DPP10: variants seen among roughly 807,000 people sequenced by gnomAD.
The protein encoded by DPP10 is dipeptidyl peptidase like 10.
Under a neutral mutation model 120.9 loss-of-function variants are expected in DPP10, and 33 were observed. The observed-to-expected ratio is 0.27, with a 90% CI of 0.21 to 0.37. The LOEUF (loss-of-function observed/expected upper bound fraction) is 0.37. DPP10 is among the 10% of genes least tolerant of loss of function. The probability of loss-of-function intolerance (pLI) is 1.00; values close to 1 mark genes in which losing one functional copy is unlikely to be tolerated. For synonymous variants in DPP10, 337 were observed against 326.1 expected, an observed-to-expected ratio of 1.03 and a Z score of -0.36; for missense variants, 816 against 942.8, an observed-to-expected ratio of 0.87 and a Z score of 1.76.
intron 5 of DPP10, among the ~76,000 whole-genome samples, chr2:115,629,858 G>A (rs2149312597): frequency 1.3e-5 from 2 of 152,006 alleles, no homozygotes; most frequent in Middle Eastern, 3.4e-3. Context: ...CTTTGTTCTT[G>A]CCCAGAATTG....
At chr2:114,987,131 T>C (rs1700453286) in intron 1 of DPP10, among the ~76,000 whole-genome samples, 1 of 152,152 alleles carries the variant, frequency 6.6e-6, no homozygotes, top group Admixed American at 6.6e-5. Context: ...AAGAAATCTA[T>C]TGAAAATCTC....
rs796707234 is a variant in DPP10, at chr2:114,455,734, T to TTA, written c.60+12897_60+12898insAT. On this transcript the variant is annotated intron_variant, in intron 1 of 25. Coordinates refer to ENST00000410059, the MANE Select transcript of DPP10 (RefSeq NM_020868.6). The stretch of plus-strand genomic sequence containing the variant: ...TCATACCCACAAATTCATTTGTTTT[T>TTA]TTTTTTTTTTACCATTTTCATGCTC... Among the ~76,000 whole-genome samples, 539 of 151,678 alleles carry TTA rather than the reference T, an allele frequency of 3.6e-3. 4 individuals are homozygous for TTA. Among genetic ancestry groups the TTA allele is most frequent in the African/African-American group, 0.012 (496 of 41,354 alleles).
At chr2:115,651,145 A>G (rs904353522) in intron 5 of DPP10, among the ~76,000 whole-genome samples, 2 of 152,056 alleles carry the variant, frequency 1.3e-5, no homozygotes, top group African/African-American at 2.4e-5. Context: ...GTTTCCCATC[A>G]CCTAGTAGTA....
Position 115,370,523 on chromosome 2 carries a change from C to T in DPP10, c.271+26611C>T, listed in dbSNP as rs534308676. On this transcript the variant is annotated intron_variant, in intron 3 of 25. Transcript: ENST00000410059. ...GACTGGTACACTGGTCTCAATTCTA[C>T]TCTTTATAAACAAAATAAACAATGG... Among the ~76,000 whole-genome samples the T allele has an allele frequency of 1.5e-4, 23 of 152,152 alleles. 1 individual carries two copies. Among genetic ancestry groups the T allele is most frequent in the Admixed American group, 1.5e-3 (23 of 15,246 alleles).
intron 1 of DPP10, among the ~76,000 whole-genome samples, chr2:114,606,488 T>C (rs750478108): frequency 2.0e-5 from 3 of 152,160 alleles, no homozygotes; most frequent in Non-Finnish European, 4.4e-5. Context: ...TTTATCAATA[T>C]TCTGGGAGTC....
At chr2:115,833,784 G>A (rs1003442053) in intron 21 of DPP10, among the ~76,000 whole-genome samples, 2 of 152,154 alleles carry the variant, frequency 1.3e-5, no homozygotes, top group Non-Finnish European at 2.9e-5. Context: ...TCATCCCTGA[G>A]ATAACACATT....
chr2:115,244,882 T>C (rs1327470511), intron 1 of DPP10, among the ~76,000 whole-genome samples: 1 of 151,678 alleles, frequency 6.6e-6, no homozygotes, highest in East Asian at 1.9e-4. Flanking sequence ...GGGGAACAGG[T>C]GTTTTCTGTT....
intron 1 of DPP10, among the ~76,000 whole-genome samples, chr2:114,561,199 A>G (rs150774685): frequency 1.4e-3 from 218 of 152,270 alleles, no homozygotes; most frequent in African/African-American, 5.1e-3. Flanking sequence ...TGACCTCTCC[A>G]AATAGATTAC....
chr2:115,525,862 T>G, intron 4 of DPP10, 36 bp from the exon 5 acceptor site: 1 of 1,518,262 alleles, frequency 6.6e-7, no homozygotes, highest in Non-Finnish European at 8.9e-7. Context: ...TGTTAAGAAG[T>G]TTTTAAATAT....
At chr2:115,136,940 T>G (rs2050680855) in intron 1 of DPP10, among the ~76,000 whole-genome samples, 1 of 152,218 alleles carries the variant, frequency 6.6e-6, no homozygotes, top group South Asian at 2.1e-4. Flanking sequence ...ACATTAGTTC[T>G]CCTTCCCTTT....
intron 1 of DPP10, among the ~76,000 whole-genome samples, chr2:114,882,965 T>C (rs933349759): frequency 1.3e-5 from 2 of 152,198 alleles, no homozygotes; most frequent in African/African-American, 4.8e-5. Context: ...GGCTATTCAG[T>C]TGTAAAATGT....
chr2:115,731,685 A>G (rs2092914169), intron 8 of DPP10, among the ~76,000 whole-genome samples: 1 of 152,000 alleles, frequency 6.6e-6, no homozygotes, highest in African/African-American at 2.4e-5. Context: ...TTATAGGGGG[A>G]TGTCCTTCAC....
intron 1 of DPP10, among the ~76,000 whole-genome samples, chr2:115,253,454 C>T (rs745597661): frequency 2.6e-5 from 4 of 152,132 alleles, no homozygotes; most frequent in Non-Finnish European, 5.9e-5. Flanking sequence ...AGTCCTAAGT[C>T]CAAAGTTCCA....
At chr2:115,742,882 A>G (rs1400998787) in intron 9 of DPP10, among the ~76,000 whole-genome samples, 2 of 152,112 alleles carry the variant, frequency 1.3e-5, no homozygotes, top group African/African-American at 4.8e-5. Flanking sequence ...AATACAGTAA[A>G]CAAATATATT....
chr2:115,645,548 T>A (rs777440152), intron 5 of DPP10, among the ~76,000 whole-genome samples: 8 of 152,136 alleles, frequency 5.3e-5, no homozygotes, highest in Non-Finnish European at 8.8e-5. Context: ...ATTTGAGTTA[T>A]GAATAGAAAT....
intron 3 of DPP10, among the ~76,000 whole-genome samples, chr2:115,435,511 G>A (rs1589086): frequency 0.6 from 90,544 of 151,242 alleles, 28,346 homozygotes; most frequent in Middle Eastern, 0.74. Context: ...AGAAATGTCT[G>A]TTCGGGTCCT....
intron 1 of DPP10, among the ~76,000 whole-genome samples, chr2:115,147,367 A>G (rs2051285459): frequency 6.6e-6 from 1 of 152,068 alleles, no homozygotes; most frequent in Admixed American, 6.6e-5. Context: ...AGACATTATT[A>G]AGGATATTAA....
intron 1 of DPP10, among the ~76,000 whole-genome samples, chr2:115,221,754 G>GT (rs56077672): frequency 0.097 from 11,603 of 119,008 alleles, 937 homozygotes; most frequent in African/African-American, 0.14. Context: ...GTTTGTTTCT[G>GT]TTTTTTTTTT....
chr2:114,984,509 C>G (rs1333793469), intron 1 of DPP10, among the ~76,000 whole-genome samples: 1 of 151,926 alleles, frequency 6.6e-6, no homozygotes, highest in Non-Finnish European at 1.5e-5. Context: ...AGAATGAAAA[C>G]AGCTGGGTGC....
Sources: allele counts gnomAD v4.1 joint callset (sites outside exome capture counted in the v4.1 genomes callset), GRCh38; gene constraint gnomAD v4.1.1; transcripts MANE v1.5; gene names NCBI Gene and HGNC (gene_info 2026-07-23, HGNC 2026-07-21).